The following HFM1 variants were observed in gnomAD, a reference collection of about 807,000 sequenced individuals.
The protein encoded by HFM1 is helicase for meiosis 1.
A neutral mutation model predicts 192.1 loss-of-function variants in HFM1; 169 were observed. The ratio of observed to expected loss-of-function variants is 0.88; its 90% CI spans 0.78 to 1.00. The LOEUF is 1.00. HFM1 is among the 50% of genes least tolerant of loss of function. The probability of loss-of-function intolerance (pLI) is 0.00; values close to 1 mark genes in which losing one functional copy is unlikely to be tolerated. For missense variants in HFM1, 1,661 were observed against 1,668.0 expected, an observed-to-expected ratio of 1.00 and a Z score of 0.07; for synonymous variants, 525 against 537.8, an observed-to-expected ratio of 0.98 and a Z score of 0.33.
Position 91,316,376 on chromosome 1 carries a change from A to C in HFM1, c.2898+15T>G. 1 of 1,390,570 alleles carries C rather than the reference A, an allele frequency of 7.2e-7. No homozygotes were observed. Among genetic ancestry groups the C allele is most frequent in the Non-Finnish European group, 1.0e-6 (1 of 997,844 alleles). The allele number at this position is 1,390,570 out of a possible 1,614,324, so 86.1% of individuals were successfully genotyped here. Reference sequence around the variant, plus strand: ...CAGAATTTAGATGGAATTAGGAATAAGTGAATATAACTACCAATTCAAGTT... The same window carrying C: ...CAGAATTTAGATGGAATTAGGAATACGTGAATATAACTACCAATTCAAGTT... On this transcript the variant is annotated intron_variant, in intron 26 of 38. Transcript: ENST00000370425.
At chr1:91,366,440 C>T (rs556112959) in intron 13 of HFM1, among the ~76,000 whole-genome samples, 13 of 152,308 alleles carry the variant, frequency 8.5e-5, no homozygotes, top group African/African-American at 2.9e-4. Flanking sequence ...TATGAACCAA[C>T]TTGATCATCT....
chr1:91,332,165 G>A (rs1279235064), intron 20 of HFM1, among the ~76,000 whole-genome samples: 1 of 151,996 alleles, frequency 6.6e-6, no homozygotes, highest in East Asian at 1.9e-4. Flanking sequence ...TAAGCAAAAA[G>A]AACAAAACTG....
At chr1:91,311,777 T>G (rs1366748179) in intron 30 of HFM1, among the ~76,000 whole-genome samples, 1 of 152,152 alleles carries the variant, frequency 6.6e-6, no homozygotes, top group Non-Finnish European at 1.5e-5. Flanking sequence ...GGAAAATGTC[T>G]CCAGGCCATG....
At chr1:91,281,827 C>G (rs181103235) in intron 30 of HFM1, among the ~76,000 whole-genome samples, 1 of 152,176 alleles carries the variant, frequency 6.6e-6, no homozygotes, top group Non-Finnish European at 1.5e-5. Flanking sequence ...CTTGGGCGCA[C>G]GCACTCCTGC....
chr1:91,392,788 C>T (rs897985285), intron 4 of HFM1, among the ~76,000 whole-genome samples: 8 of 151,858 alleles, frequency 5.3e-5, no homozygotes, highest in African/African-American at 1.7e-4. Flanking sequence ...AAAAATGTTA[C>T]GTTAAGTGAA....
At chr1:91,366,182 G>A (rs1402293983) in intron 13 of HFM1, among the ~76,000 whole-genome samples, 1 of 151,844 alleles carries the variant, frequency 6.6e-6, no homozygotes, top group Admixed American at 6.6e-5. Flanking sequence ...AAAAGGGAGA[G>A]GATAAATTGT....
intron 30 of HFM1, among the ~76,000 whole-genome samples, chr1:91,297,233 G>C (rs4658210): frequency 1.3e-5 from 2 of 152,068 alleles, no homozygotes; most frequent in African/African-American, 4.8e-5. Context: ...AGGTGGCAGC[G>C]AGTCCGGGGG....
chr1:91,358,541 G>A (rs1239284435), intron 13 of HFM1, among the ~76,000 whole-genome samples: 6 of 152,080 alleles, frequency 3.9e-5, no homozygotes, highest in African/African-American at 1.2e-4. Flanking sequence ...CAAAAAAAAT[G>A]GGGAAACAAT....
At chr1:91,349,779 A>G (rs1656678786) in intron 18 of HFM1, among the ~76,000 whole-genome samples, 1 of 152,260 alleles carries the variant, frequency 6.6e-6, no homozygotes, top group African/African-American at 2.4e-5. Flanking sequence ...GCTGTGTGAG[A>G]TAATAAATTC....
At chr1:91,293,208 C>G (rs980379285) in intron 30 of HFM1, among the ~76,000 whole-genome samples, 1 of 151,914 alleles carries the variant, frequency 6.6e-6, no homozygotes, top group African/African-American at 2.4e-5. Flanking sequence ...CAAATGGGAT[C>G]TAATTAAACT....
chr1:91,277,768 AATAT>A (rs34650832), intron 30 of HFM1, among the ~76,000 whole-genome samples: 9 of 119,970 alleles, frequency 7.5e-5, no homozygotes, highest in Non-Finnish European at 1.4e-4. Flanking sequence ...AATATATACT[AATAT>A]ATATAATGTA....
chr1:91,316,259 T>C, intron 26 of HFM1, 75 bp from the exon 27 acceptor site: 2 of 1,043,160 alleles, frequency 1.9e-6, no homozygotes, highest in Non-Finnish European at 2.8e-6. Context: ...TTAGAATAAA[T>C]AGCTTTAATA....
At chr1:91,302,191 A>G (rs1648890229) in intron 30 of HFM1, among the ~76,000 whole-genome samples, 1 of 151,712 alleles carries the variant, frequency 6.6e-6, no homozygotes, top group Non-Finnish European at 1.5e-5. Context: ...AATGCTCATC[A>G]TGATTGGCCA....
intron 10 of HFM1, 88 bp from the exon 11 acceptor site, chr1:91,378,271 G>T: frequency 1.6e-6 from 2 of 1,281,296 alleles, no homozygotes; most frequent in Non-Finnish European, 2.2e-6. Flanking sequence ...TAACATTCTT[G>T]CTTGAGAAAA....
chr1:91,276,651 C>A lies in HFM1; in HGVS notation c.3565G>T (p.Val1189Phe). ...ACCTTCAGACGTTTAACTGGAGGAACAGATGAAACAGCATTCCTGTTTCTT... is the reference window on the plus strand; with the variant it reads ...ACCTTCAGACGTTTAACTGGAGGAAAAGATGAAACAGCATTCCTGTTTCTT... ...DLRNRNAVSS[V>F]PPVKRLKIQM... The change falls in exon 32 of 39, where the codon GTT (valine) becomes TTT (phenylalanine). Residue 1189 changes from valine to phenylalanine, a missense_variant. Transcript: ENST00000370425. The A allele has an allele frequency of 6.5e-7, 1 of 1,539,856 alleles. No homozygotes were observed. Among genetic ancestry groups the A allele is most frequent in the Non-Finnish European group, 8.8e-7 (1 of 1,139,826 alleles).
chr1:91,320,218 C>T (rs1431401337), intron 23 of HFM1, among the ~76,000 whole-genome samples: 1 of 151,972 alleles, frequency 6.6e-6, no homozygotes, highest in African/African-American at 2.4e-5. Context: ...GTCAGCTATA[C>T]AAAGAAAAAC....
chr1:91,379,279 T>C, intron 8 of HFM1, 65 bp from the exon 9 acceptor site: 1 of 1,345,190 alleles, frequency 7.4e-7, no homozygotes, highest in Non-Finnish European at 1.0e-6. Flanking sequence ...TCACAAACTT[T>C]GGTTAATAAA....
At chr1:91,398,223 C>T (rs1057464356) in intron 2 of HFM1, among the ~76,000 whole-genome samples, 3 of 152,202 alleles carry the variant, frequency 2.0e-5, no homozygotes, top group Non-Finnish European at 2.9e-5. Context: ...CTGTACTATT[C>T]TGCCTCTTAA....
intron 13 of HFM1, among the ~76,000 whole-genome samples, chr1:91,365,767 T>C (rs1659211636): frequency 6.6e-6 from 1 of 152,122 alleles, no homozygotes; most frequent in Non-Finnish European, 1.5e-5. Context: ...GTACAAACTC[T>C]GCTACCCACT....
Sources: allele counts gnomAD v4.1 joint callset (sites outside exome capture counted in the v4.1 genomes callset), GRCh38; gene constraint gnomAD v4.1.1; transcripts MANE v1.5; gene names NCBI Gene and HGNC (gene_info 2026-07-23, HGNC 2026-07-21).